ABCD2: variants seen among roughly 807,000 people sequenced by gnomAD.
ABCD2 encodes the protein ATP binding cassette subfamily D member 2.
A neutral mutation model predicts 70.9 loss-of-function variants in ABCD2; 36 were observed. The ratio of observed to expected loss-of-function variants is 0.51; its 90% CI spans 0.39 to 0.67. The LOEUF is 0.67. Ranked by LOEUF, ABCD2 falls within the 30% of genes least tolerant of loss-of-function variation. The probability of loss-of-function intolerance (pLI) is 0.00; values close to 1 mark genes in which losing one functional copy is unlikely to be tolerated. For synonymous variants in ABCD2, 304 were observed against 306.9 expected (o/e 0.99, Z 0.10); for missense variants, 729 against 890.2 (o/e 0.82, Z 2.30).
At chr12:39,547,830 A>G (rs1591958851), downstream of ABCD2, among the ~76,000 whole-genome samples, 1 of 152,176 alleles carries the variant, frequency 6.6e-6, no homozygotes, top group Admixed American at 6.6e-5. Flanking sequence ...ATAAAAAAGA[A>G]TTCAGTAACT....
chr12:39,603,416 A>T (rs1253178055), intron 5 of ABCD2, among the ~76,000 whole-genome samples: 1 of 152,162 alleles, frequency 6.6e-6, no homozygotes, highest in Non-Finnish European at 1.5e-5. Context: ...AATTATTGTC[A>T]ACAGAATTAA....
At chr12:39,548,372 C>A (rs757409619), downstream of ABCD2, among the ~76,000 whole-genome samples, 3 of 152,182 alleles carry the variant, frequency 2.0e-5, no homozygotes, top group Non-Finnish European at 4.4e-5. Flanking sequence ...GGTCAAGGAG[C>A]ATCTGTAGCT....
At chr12:39,588,036 G>A (rs1259932430) in intron 6 of ABCD2, among the ~76,000 whole-genome samples, 1 of 152,190 alleles carries the variant, frequency 6.6e-6, no homozygotes, top group African/African-American at 2.4e-5. Flanking sequence ...GGTTACGTAA[G>A]TAAATGGTTT....
In ABCD2 at chr12:39,619,662, A is replaced by T; in HGVS notation, c.-47T>A. ...CTTCCAAAAGAATTCGTTTTAAAAG[A>T]TCATGCTTCACAGAAATCCCCAGCA... On this transcript the variant is annotated 5_prime_UTR_variant, in exon 1 of 10. Transcript: ENST00000308666. The T allele has an allele frequency of 6.6e-7, 1 of 1,520,300 alleles. No homozygotes were observed. Among genetic ancestry groups the T allele is most frequent in the Non-Finnish European group, 8.9e-7 (1 of 1,122,838 alleles). 94.2% of individuals were successfully genotyped at this position (1,520,300 alleles called of 1,614,324 possible).
intron 9 of ABCD2, among the ~76,000 whole-genome samples, chr12:39,565,434 T>G (rs1278253814): frequency 6.6e-6 from 1 of 152,198 alleles, no homozygotes; most frequent in Non-Finnish European, 1.5e-5. Context: ...TCTGTTTGTC[T>G]GTTATTGGTG....
chr12:39,563,548 GAAAGGAAAAAGATAAAT>G (rs1242821189), intron 9 of ABCD2, among the ~76,000 whole-genome samples: 22 of 152,120 alleles, frequency 1.4e-4, no homozygotes, highest in Non-Finnish European at 2.8e-4. Flanking sequence ...ATCTGAATTT[GAAAGGAAAAAGATAAAT>G]AAAGGAAAAA....
At chr12:39,604,681 C>T (rs182076032) in intron 4 of ABCD2, 81 bp downstream of exon 4, 8 of 1,184,464 alleles carry the variant, frequency 6.8e-6, no homozygotes. Flanking sequence ...TTTGTAACTA[C>T]TAAAAGCTAC....
chr12:39,592,789 A>ACACTCCT (rs1387854170), intron 6 of ABCD2, among the ~76,000 whole-genome samples: 2 of 152,200 alleles, frequency 1.3e-5, no homozygotes, highest in Non-Finnish European at 2.9e-5. Flanking sequence ...TTAAATAAAC[A>ACACTCCT]CACTCCTTGT....
At chr12:39,615,977 A>G (rs1942109658) in intron 2 of ABCD2, among the ~76,000 whole-genome samples, 1 of 152,118 alleles carries the variant, frequency 6.6e-6, no homozygotes, top group South Asian at 2.1e-4. Context: ...TATTCAGTTA[A>G]ATCCTCACAA....
At chr12:39,559,341 C>T (rs920068682) in intron 9 of ABCD2, among the ~76,000 whole-genome samples, 1 of 137,612 alleles carries the variant, frequency 7.3e-6, no homozygotes, top group Non-Finnish European at 1.5e-5. Flanking sequence ...CACACCATTG[C>T]ACTCCAGCCT....
chr12:39,596,591 TG>T, intron 6 of ABCD2, among the ~76,000 whole-genome samples: 1 of 152,304 alleles, frequency 6.6e-6, no homozygotes, highest in South Asian at 2.1e-4. Flanking sequence ...TCCAAAGTCA[TG>T]GGTGGGCAGA....
intron 6 of ABCD2, among the ~76,000 whole-genome samples, chr12:39,596,172 A>G (rs1941812304): frequency 6.6e-6 from 1 of 152,202 alleles, no homozygotes; most frequent in Non-Finnish European, 1.5e-5. Context: ...TTTCTTACCT[A>G]TTTAGAAATT....
chr12:39,555,000 T>A (rs988101770), intron 9 of ABCD2, among the ~76,000 whole-genome samples: 2 of 152,198 alleles, frequency 1.3e-5, no homozygotes, highest in African/African-American at 2.4e-5. Context: ...CTATGATCGG[T>A]GGGCTTTTTT....
intron 2 of ABCD2, among the ~76,000 whole-genome samples, chr12:39,609,076 T>C (rs1358409378): frequency 6.6e-5 from 10 of 152,184 alleles, no homozygotes; most frequent in Non-Finnish European, 1.5e-5. Flanking sequence ...TATAATTTCT[T>C]TGAAGGTCAA....
chr12:39,606,656 A>G (rs2120742376), intron 3 of ABCD2, among the ~76,000 whole-genome samples: 1 of 152,250 alleles, frequency 6.6e-6, no homozygotes, highest in Admixed American at 6.5e-5. Flanking sequence ...GCCCTTTGTA[A>G]TTCTTTTATA....
At chr12:39,545,225 T>G (rs765153117), downstream of ABCD2, among the ~76,000 whole-genome samples, 1 of 152,222 alleles carries the variant, frequency 6.6e-6, no homozygotes, top group Non-Finnish European at 1.5e-5. Context: ...TCACTTAGAC[T>G]AACAAAGCCT....
chr12:39,558,874 A>G (rs948942195), intron 9 of ABCD2, among the ~76,000 whole-genome samples: 1 of 152,230 alleles, frequency 6.6e-6, no homozygotes, highest in African/African-American at 2.4e-5. Flanking sequence ...ACAGATATGA[A>G]ATAATGGGAA....
At chr12:39,534,355 C>T in the ABCD2 span, among the ~76,000 whole-genome samples, 1 of 152,182 alleles carries the variant, frequency 6.6e-6, no homozygotes, top group Non-Finnish European at 1.5e-5. Context: ...AATCAAATCC[C>T]AGCTTTAGAG....
intron 9 of ABCD2, among the ~76,000 whole-genome samples, chr12:39,558,907 G>A (rs150678114): frequency 0.012 from 1,763 of 151,816 alleles, 33 homozygotes; most frequent in African/African-American, 0.036. Context: ...TGCTGGAGCT[G>A]AAAAATACAA....
Sources: allele counts gnomAD v4.1 joint callset (sites outside exome capture counted in the v4.1 genomes callset), GRCh38; gene constraint gnomAD v4.1.1; transcripts MANE v1.5; gene names NCBI Gene and HGNC (gene_info 2026-07-23, HGNC 2026-07-21).